Variants in FBXL5 observed in about 807,000 individuals in gnomAD.
The protein encoded by FBXL5 is F-box and leucine rich repeat protein 5.
FBXL5 carries 26 observed loss-of-function variants against 78.3 expected under a neutral mutation model. The ratio of observed to expected loss-of-function variants is 0.33; its 90% CI spans 0.24 to 0.46. FBXL5 has a LOEUF of 0.46. FBXL5 is among the 20% of genes least tolerant of loss of function. FBXL5 has a pLI of 1.00. For missense variants in FBXL5, 710 were observed against 829.2 expected, an observed-to-expected ratio of 0.86 and a Z score of 1.77; for synonymous variants, 295 against 282.5, an observed-to-expected ratio of 1.04 and a Z score of -0.45.
chr4:15,669,336 C>G (rs527969285), intron 1 of FBXL5, among the ~76,000 whole-genome samples: 14 of 152,136 alleles, frequency 9.2e-5, no homozygotes, highest in Admixed American at 7.2e-4. Flanking sequence ...GTATCCAAAA[C>G]TAGGAAAGGT....
intron 10 of FBXL5, among the ~76,000 whole-genome samples, chr4:15,611,413 T>C (rs1280935394): frequency 1.3e-5 from 2 of 151,932 alleles, no homozygotes; most frequent in Admixed American, 6.6e-5. Flanking sequence ...TCAAAGACAA[T>C]AGGGCGCAGT....
At chr4:15,662,898 C>T (rs752986040), upstream of FBXL5, among the ~76,000 whole-genome samples, 1 of 152,152 alleles carries the variant, frequency 6.6e-6, no homozygotes, top group Non-Finnish European at 1.5e-5. Flanking sequence ...ATTGTTACTA[C>T]CAGATCTTTG....
At chr4:15,646,042 T>A (rs1167048345) in intron 1 of FBXL5, among the ~76,000 whole-genome samples, 2 of 152,178 alleles carry the variant, frequency 1.3e-5, no homozygotes, top group African/African-American at 4.8e-5. Context: ...GTAAATAATC[T>A]AGAGCAAGAA....
intron 1 of FBXL5, among the ~76,000 whole-genome samples, chr4:15,677,319 C>T (rs879611585): frequency 5.9e-5 from 9 of 152,122 alleles, no homozygotes; most frequent in South Asian, 4.1e-4. Context: ...GCTCCTAAAA[C>T]CCTTGGAATT....
At chr4:15,627,424 C>T (rs1247057428) in intron 7 of FBXL5, among the ~76,000 whole-genome samples, 5 of 152,148 alleles carry the variant, frequency 3.3e-5, no homozygotes, top group Non-Finnish European at 7.4e-5. Flanking sequence ...TGAGCCACCG[C>T]ACCCGCCCAA....
chr4:15,611,719 G>A (rs1031580703), intron 10 of FBXL5, among the ~76,000 whole-genome samples: 1 of 152,154 alleles, frequency 6.6e-6, no homozygotes, highest in Non-Finnish European at 1.5e-5. Flanking sequence ...AGGAATTCTA[G>A]TCATGTCTAA....
intron 7 of FBXL5, among the ~76,000 whole-genome samples, chr4:15,627,379 C>T (rs1055775194): frequency 3.3e-5 from 5 of 152,094 alleles, no homozygotes; most frequent in Admixed American, 3.3e-4. Context: ...ATGATCCACC[C>T]ACCTCGGTCT....
In FBXL5 at chr4:15,640,841, T is replaced by C; in HGVS notation, c.343A>G (p.Arg115Gly). 1 of 1,562,664 alleles carries C rather than the reference T, an allele frequency of 6.4e-7. No homozygotes were observed. The highest frequency in any genetic ancestry group is 1.2e-5 in the South Asian group (1 of 82,304). ...QLNYAKQLKERLEAFTRDFLP... is the reference protein window; with the variant it reads ...QLNYAKQLKEGLEAFTRDFLP... ...AAATCTCTTGTAAAAGCCTCCAATCTCTCTTTCAGTTGTTTTGCATAATTT... is the reference window on the plus strand; with the variant it reads ...AAATCTCTTGTAAAAGCCTCCAATCCCTCTTTCAGTTGTTTTGCATAATTT... The change falls in exon 3 of 11, where the codon AGA becomes GGA. Residue 115 changes from arginine to glycine, a missense_variant. By Grantham distance (125) the Arg-to-Gly change is moderately radical. Coordinates refer to ENST00000341285, the MANE Select transcript of FBXL5 (RefSeq NM_012161.4).
intron 1 of FBXL5, among the ~76,000 whole-genome samples, chr4:15,652,786 G>A (rs1716267896): frequency 6.6e-6 from 1 of 152,110 alleles, no homozygotes; most frequent in Non-Finnish European, 1.5e-5. Context: ...GATAATAACT[G>A]GGCATTCAGA....
At chr4:15,636,757 A>C in intron 4 of FBXL5, 81 bp from the exon 5 acceptor site, 4 of 1,043,812 alleles carry the variant, frequency 3.8e-6, no homozygotes, top group Non-Finnish European at 5.4e-6. Context: ...TTCTATAAAC[A>C]AAATCCAGTG....
chr4:15,641,530 G>A lies in FBXL5; in HGVS notation c.301-647C>T, dbSNP rs150143975. The A allele has an allele frequency of 3.6e-5, 15 of 419,236 alleles. No homozygotes were observed. In the East Asian group the frequency reaches 5.9e-4, roughly 16 times the overall value. 26.0% of individuals were successfully genotyped at this position (419,236 alleles called of 1,614,324 possible). On this transcript the variant is annotated intron_variant, in intron 2 of 10. Transcript: ENST00000341285. ...ATTCTTTTCTCTAGCTTACCTTACT[G>A]TAAGAATCCAGTATATATATTTTAC...
chr4:15,617,638 G>A (rs566893335), intron 9 of FBXL5, among the ~76,000 whole-genome samples: 1 of 152,196 alleles, frequency 6.6e-6, no homozygotes, highest in South Asian at 2.1e-4. Flanking sequence ...TACTTTCCAG[G>A]GACATGGGTG....
intron 1 of FBXL5, among the ~76,000 whole-genome samples, chr4:15,648,699 G>A (rs1184773155): frequency 6.6e-6 from 1 of 152,172 alleles, no homozygotes; most frequent in East Asian, 1.9e-4. Flanking sequence ...AAAGGTGGTT[G>A]TTGGGGCAGG....
chr4:15,657,128 A>G (rs186502771), upstream of FBXL5, among the ~76,000 whole-genome samples: 347 of 152,234 alleles, frequency 2.3e-3, no homozygotes, highest in Non-Finnish European at 4.1e-3. Flanking sequence ...CTTTGCCTCT[A>G]TATTTTTTAA....
intron 1 of FBXL5, among the ~76,000 whole-genome samples, chr4:15,678,610 G>A (rs1297693747): frequency 3.8e-5 from 5 of 130,008 alleles, no homozygotes; most frequent in African/African-American, 8.6e-5. Flanking sequence ...ACAACTTTTT[G>A]ACCAAAATGA....
At chr4:15,657,086 C>G (rs985019302), upstream of FBXL5, among the ~76,000 whole-genome samples, 1 of 152,202 alleles carries the variant, frequency 6.6e-6, no homozygotes, top group Non-Finnish European at 1.5e-5. Context: ...CTCCTTCTCC[C>G]TTTCACCCCG....
rs1714787934 is a variant in FBXL5, at chr4:15,640,844, C to T, written c.340G>A (p.Glu114Lys). 1 of 1,562,158 alleles carries T rather than the reference C, an allele frequency of 6.4e-7. No individual in the cohort carries two copies. The highest frequency in any genetic ancestry group is 2.4e-5 in the East Asian group (1 of 41,176). The stretch of plus-strand genomic sequence containing the variant: ...TCTCTTGTAAAAGCCTCCAATCTCT[C>T]TTTCAGTTGTTTTGCATAATTTAAC... ...EQLNYAKQLK[E>K]RLEAFTRDFL... Residue 114 changes from glutamate (E) to lysine (K), a missense_variant, in exon 3 of 11, where the codon GAG becomes AAG. Physicochemically the swap from Glu to Lys is moderately conservative, Grantham distance 56. Around this residue, in one of 4 missense-constraint regions of FBXL5, gnomAD observed 132 missense variants for 156.9 expected, o/e 0.84. Transcript: ENST00000341285.
chr4:15,647,477 T>C (rs956472183), intron 1 of FBXL5, among the ~76,000 whole-genome samples: 1 of 152,018 alleles, frequency 6.6e-6, no homozygotes, highest in Non-Finnish European at 1.5e-5. Context: ...TCCCACAAAA[T>C]AGGAGGATAC....
intron 1 of FBXL5, among the ~76,000 whole-genome samples, chr4:15,653,107 T>C (rs534038620): frequency 1.4e-5 from 2 of 139,632 alleles, no homozygotes; most frequent in African/African-American, 5.6e-5. Flanking sequence ...TTCCTATGCA[T>C]TTTTTTTTCC....
Sources: allele counts gnomAD v4.1 joint callset (sites outside exome capture counted in the v4.1 genomes callset), GRCh38; gene constraint gnomAD v4.1.1; regional missense constraint gnomAD v4.1.1; transcripts MANE v1.5; gene names NCBI Gene and HGNC (gene_info 2026-07-23, HGNC 2026-07-21).